The following ATP8A2 variants were observed in gnomAD, a reference collection of about 807,000 sequenced individuals.
ATP8A2 encodes ATPase phospholipid transporting 8A2, also known as phospholipid-transporting ATPase IB.
A neutral mutation model predicts 165.6 loss-of-function variants in ATP8A2; 100 were observed. That is an observed-to-expected ratio of 0.60 (90% CI 0.51 to 0.71). The LOEUF is 0.71. Ranked by LOEUF, ATP8A2 falls within the 30% of genes least tolerant of loss-of-function variation. The pLI is 0.00. For synonymous variants in ATP8A2, 543 were observed against 548.8 expected, an observed-to-expected ratio of 0.99 and a Z score of 0.15; for missense variants, 1,227 against 1,479.5, an observed-to-expected ratio of 0.83 and a Z score of 2.80.
chr13:25,929,584 C>T (rs1477573921), intron 33 of ATP8A2, among the ~76,000 whole-genome samples: 1 of 152,196 alleles, frequency 6.6e-6, no homozygotes, highest in African/African-American at 2.4e-5. Flanking sequence ...AGCGGCCGGG[C>T]TCAGTGGCTC....
intron 24 of ATP8A2, among the ~76,000 whole-genome samples, chr13:25,689,105 T>G (rs2042668441): frequency 6.6e-6 from 1 of 152,240 alleles, no homozygotes; most frequent in African/African-American, 2.4e-5. Context: ...TATTGAAGTT[T>G]TAAGTTTAAA....
chr13:25,754,916 A>G (rs2044229718), intron 25 of ATP8A2, among the ~76,000 whole-genome samples: 1 of 152,128 alleles, frequency 6.6e-6, no homozygotes. Flanking sequence ...AATTTCTGTC[A>G]ATTTTCTTAG....
chr13:26,009,047 A>G (rs913331408), intron 35 of ATP8A2, among the ~76,000 whole-genome samples: 25 of 152,344 alleles, frequency 1.6e-4, no homozygotes, highest in Admixed American at 1.5e-3. Flanking sequence ...AACAGTATGA[A>G]ATATAGACTG....
At chr13:25,571,393 T>C (rs1309807404) in intron 17 of ATP8A2, among the ~76,000 whole-genome samples, 2 of 152,230 alleles carry the variant, frequency 1.3e-5, no homozygotes, top group African/African-American at 4.8e-5. Flanking sequence ...CCTGGTGAAT[T>C]AGCATATATC....
chr13:25,993,126 G>A (rs1956429051), intron 35 of ATP8A2, among the ~76,000 whole-genome samples: 1 of 151,678 alleles, frequency 6.6e-6, no homozygotes, highest in Non-Finnish European at 1.5e-5. Flanking sequence ...CTTTGCTATT[G>A]TGAATAATGC....
At chr13:25,883,387 C>A (rs1052853929) in intron 33 of ATP8A2, among the ~76,000 whole-genome samples, 2 of 152,100 alleles carry the variant, frequency 1.3e-5, no homozygotes, top group Non-Finnish European at 2.9e-5. Flanking sequence ...CCTTGCACTC[C>A]AGCCTGGGCA....
intron 25 of ATP8A2, among the ~76,000 whole-genome samples, chr13:25,753,273 C>G (rs2138206088): frequency 6.6e-6 from 1 of 152,318 alleles, no homozygotes; most frequent in African/African-American, 2.4e-5. Context: ...GGGTGTGGTT[C>G]CACAGCTGCC....
chr13:25,782,207 G>T (rs978104257), intron 27 of ATP8A2, among the ~76,000 whole-genome samples: 2 of 152,220 alleles, frequency 1.3e-5, no homozygotes, highest in African/African-American at 4.8e-5. Context: ...CTTCTGTCCT[G>T]TGCATCTGCC....
intron 25 of ATP8A2, among the ~76,000 whole-genome samples, chr13:25,703,205 A>AAAT (rs1364966107): frequency 6.6e-6 from 1 of 152,046 alleles, no homozygotes; most frequent in Non-Finnish European, 1.5e-5. Flanking sequence ...TCGGCCTCCC[A>AAAT]AATAGCTGGG....
Position 25,771,054 on chromosome 13 carries a change from A to G in ATP8A2, c.2568+1825A>G, listed in dbSNP as rs570014418. On this transcript the variant is annotated intron_variant, in intron 26 of 36. Transcript: ENST00000381655. ...TCTCAGCTCACAGTTCTGCAGATGC[A>G]GGGAGAAATTACAAAATCCTCCTGG... Among the ~76,000 whole-genome samples the G allele has an allele frequency of 8.5e-5, 13 of 152,360 alleles. No individual in the cohort carries two copies. In the East Asian group the frequency reaches 1.7e-3, roughly 20 times the overall value.
intron 27 of ATP8A2, among the ~76,000 whole-genome samples, chr13:25,789,883 C>G (rs555734082): frequency 6.6e-6 from 1 of 152,264 alleles, no homozygotes; most frequent in African/African-American, 2.4e-5. Flanking sequence ...AAAACAGGCA[C>G]AAAGACCAAG....
In ATP8A2 at chr13:25,769,123, A is replaced by T; in HGVS notation, c.2462A>T (p.Asp821Val). 1 of 1,614,032 alleles carries T rather than the reference A, an allele frequency of 6.2e-7. No individual in the cohort carries two copies. Among genetic ancestry groups the T allele is most frequent in the Non-Finnish European group, 8.5e-7 (1 of 1,180,006 alleles). The change falls in exon 26 of 37, where the codon GAC becomes GTC. Residue 821 changes from aspartate (D) to valine (V), a missense_variant. Coordinates refer to ENST00000381655, the MANE Select transcript of ATP8A2 (RefSeq NM_016529.6). The part of the protein sequence containing the change: ...RVKAITLAIG[D>V]GANDVGMIQT... ...AAGGCCATCACCCTCGCCATCGGAG[A>T]CGGCGCCAACGATGTCGGGATGATC...
Position 25,839,539 on chromosome 13 carries a change from T to G in ATP8A2, c.2878-7T>G. The stretch of plus-strand genomic sequence containing the variant: ...GCTCCTGACTCCCTTGGTTTGTTTT[T>G]CCTTAGGTTTTCTGGGGTCACTGCA... On this transcript the variant is annotated splice_polypyrimidine_tract_variant and splice_region_variant and intron_variant, in intron 29 of 36. Transcript: ENST00000381655. 6.2e-7 allele frequency: 1 copy of G among 1,613,414 alleles called. No homozygotes were observed. The highest frequency in any genetic ancestry group is 8.5e-7 in the Non-Finnish European group (1 of 1,179,302).
At chr13:25,512,789 C>T (rs1441861417) in intron 2 of ATP8A2, among the ~76,000 whole-genome samples, 6 of 144,560 alleles carry the variant, frequency 4.2e-5, no homozygotes, top group African/African-American at 1.5e-4. Context: ...GGGGGCTGAC[C>T]CCCCCATCTC....
chr13:25,978,918 C>T (rs1397574736), intron 35 of ATP8A2, among the ~76,000 whole-genome samples: 2 of 151,642 alleles, frequency 1.3e-5, no homozygotes, highest in Non-Finnish European at 2.9e-5. Context: ...CCAGCCTGGG[C>T]GACAGAGCGA....
chr13:25,932,424 T>C (rs539509615), intron 33 of ATP8A2, among the ~76,000 whole-genome samples: 1 of 152,068 alleles, frequency 6.6e-6, no homozygotes, highest in Admixed American at 6.5e-5. Context: ...CAAAGGAAAA[T>C]AAACAGGAAA....
At position 25,589,629 on chromosome 13, in the gene ATP8A2, C is replaced by A; in HGVS notation, c.2147-6C>A. On this transcript the variant is annotated splice_polypyrimidine_tract_variant and splice_region_variant and intron_variant, in intron 23 of 36. Coordinates refer to ENST00000381655, the MANE Select transcript of ATP8A2 (RefSeq NM_016529.6). ...AATTCACATGTTGTCTCTTCCTCCACTTCAGGGTATTCCTGCCGATTGGTA... is the reference window on the plus strand; with the variant it reads ...AATTCACATGTTGTCTCTTCCTCCAATTCAGGGTATTCCTGCCGATTGGTA... The A allele has an allele frequency of 1.9e-6, 3 of 1,607,354 alleles. No homozygotes were observed. The highest frequency in any genetic ancestry group is 2.6e-6 in the Non-Finnish European group (3 of 1,174,370).
intron 13 of ATP8A2, among the ~76,000 whole-genome samples, chr13:25,556,345 TTGCACTCCTCTGATGATTAG>T (rs1257112266): frequency 6.6e-6 from 1 of 152,218 alleles, no homozygotes; most frequent in Non-Finnish European, 1.5e-5. Flanking sequence ...TGGTTTTGAT[TTGCACTCCTCTGATGATTAG>T]TGATGTGGAG....
At chr13:25,871,094 C>T (rs878885242) in intron 33 of ATP8A2, 4 of 265,356 alleles carry the variant, frequency 1.5e-5, no homozygotes, top group South Asian at 3.4e-5. Flanking sequence ...AGAGGCCCCG[C>T]GGCTTTGATT....
Sources: gnomAD v4.1 joint callset for allele counts (sites outside exome capture counted in the v4.1 genomes callset) on GRCh38, gnomAD v4.1.1 for gene constraint, MANE v1.5 for transcripts, NCBI Gene and HGNC (gene_info 2026-07-23, HGNC 2026-07-21) for gene names.